Variants in MARCHF1 observed in about 807,000 individuals in gnomAD.
MARCHF1 encodes the protein E3 ubiquitin-protein ligase MARCHF1.
A neutral mutation model predicts 54.2 loss-of-function variants in MARCHF1; 40 were observed. That is an observed-to-expected ratio of 0.74 (90% CI 0.57 to 0.96). MARCHF1 has a LOEUF of 0.96. Among genes scored for constraint, MARCHF1 ranks in the 40% least tolerant of loss-of-function variants. The pLI, the probability that MARCHF1 is intolerant of heterozygous loss-of-function variation, is 0.00. For synonymous variants in MARCHF1, 236 were observed against 236.3 expected (o/e 1.00, Z 0.01); for missense variants, 586 against 656.5 (o/e 0.89, Z 1.17).
intron 4 of MARCHF1, among the ~76,000 whole-genome samples, chr4:163,739,370 T>A (rs1476526393): frequency 6.6e-6 from 1 of 152,182 alleles, no homozygotes. Flanking sequence ...AACAAGTTAT[T>A]ATTCACAAAT....
intron 1 of MARCHF1, among the ~76,000 whole-genome samples, chr4:164,352,733 A>C (rs1486343875): frequency 3.5e-5 from 5 of 144,892 alleles, no homozygotes; most frequent in Non-Finnish European, 6.1e-5. Flanking sequence ...CTAACATCAT[A>C]ATGACAGGAT....
At chr4:164,347,152 T>C (rs1032173594) in intron 1 of MARCHF1, among the ~76,000 whole-genome samples, 1 of 151,888 alleles carries the variant, frequency 6.6e-6, no homozygotes, top group Non-Finnish European at 1.5e-5. Context: ...ATAAAGAACA[T>C]GTGAAAAAAA....
At chr4:163,788,156 A>G (rs1041931647) in intron 4 of MARCHF1, among the ~76,000 whole-genome samples, 1 of 151,868 alleles carries the variant, frequency 6.6e-6, no homozygotes, top group Non-Finnish European at 1.5e-5. Context: ...AACAAAGTAG[A>G]TATACTTAAT....
intron 1 of MARCHF1, among the ~76,000 whole-genome samples, chr4:164,138,648 C>A (rs1023538721): frequency 4.6e-5 from 7 of 152,156 alleles, no homozygotes; most frequent in Admixed American, 3.9e-4. Flanking sequence ...CCAGCAGAAG[C>A]AAGTGTCAGT....
intron 1 of MARCHF1, among the ~76,000 whole-genome samples, chr4:164,248,562 C>T (rs576242446): frequency 1.4e-4 from 22 of 151,960 alleles, no homozygotes; most frequent in Non-Finnish European, 2.2e-4. Flanking sequence ...GCTTCTGAAA[C>T]GCAACCTAAA....
At chr4:164,021,627 T>C (rs907513395) in intron 2 of MARCHF1, among the ~76,000 whole-genome samples, 17 of 152,254 alleles carry the variant, frequency 1.1e-4, no homozygotes, top group Middle Eastern at 3.4e-3. Context: ...TCATTTTACA[T>C]TTATATTTGA....
intron 2 of MARCHF1, among the ~76,000 whole-genome samples, chr4:164,033,234 A>G (rs9998704): frequency 0.98 from 148,941 of 152,020 alleles, 73,029 homozygotes; most frequent in East Asian, 1. Context: ...GCAGACAACT[A>G]AAATTGGACC....
chr4:164,135,317 T>A (rs966923165), intron 1 of MARCHF1: 2 of 152,224 alleles, frequency 1.3e-5, no homozygotes, highest in African/African-American at 4.8e-5. Flanking sequence ...GTGAAGGATC[T>A]GCTTAAATTT....
intron 4 of MARCHF1, among the ~76,000 whole-genome samples, chr4:163,784,572 A>C (rs1057188033): frequency 6.6e-6 from 1 of 152,122 alleles, no homozygotes; most frequent in African/African-American, 2.4e-5. Flanking sequence ...TCAGAGACTA[A>C]AAATTTAGCA....
intron 1 of MARCHF1, among the ~76,000 whole-genome samples, chr4:164,357,851 A>G (rs1239681603): frequency 6.6e-6 from 1 of 152,206 alleles, no homozygotes; most frequent in Non-Finnish European, 1.5e-5. Flanking sequence ...ATAGATTTTT[A>G]AGAAATAATT....
chr4:163,563,772 G>C (rs796260677), intron 8 of MARCHF1, among the ~76,000 whole-genome samples: 4 of 152,272 alleles, frequency 2.6e-5, no homozygotes, highest in African/African-American at 9.6e-5. Flanking sequence ...ACAATGCTTG[G>C]CACTATTAAG....
intron 4 of MARCHF1, among the ~76,000 whole-genome samples, chr4:163,751,542 C>CA (rs1483058093): frequency 6.6e-6 from 1 of 151,096 alleles, no homozygotes; most frequent in African/African-American, 2.4e-5. Context: ...TTTATGCATA[C>CA]AAAATCAAAA....
chr4:163,565,239 G>A (rs892091005), intron 8 of MARCHF1, among the ~76,000 whole-genome samples: 2 of 152,180 alleles, frequency 1.3e-5, no homozygotes, highest in African/African-American at 4.8e-5. Context: ...TAACTTTAAT[G>A]CTTTAATATA....
chr4:163,634,123 T>C (rs1464659232), intron 5 of MARCHF1, among the ~76,000 whole-genome samples: 1 of 152,158 alleles, frequency 6.6e-6, no homozygotes, highest in East Asian at 1.9e-4. Flanking sequence ...GAACAACCGG[T>C]ACCAGCTGCT....
chr4:163,809,305 AT>A (rs1748318581), intron 4 of MARCHF1, among the ~76,000 whole-genome samples: 1 of 152,164 alleles, frequency 6.6e-6, no homozygotes, highest in African/African-American at 2.4e-5. Flanking sequence ...ACCAGAATTT[AT>A]TTTACAAACC....
At chr4:163,644,213 AT>A (rs1449153224) in intron 5 of MARCHF1, among the ~76,000 whole-genome samples, 2 of 152,120 alleles carry the variant, frequency 1.3e-5, no homozygotes, top group Admixed American at 6.6e-5. Flanking sequence ...TCCACCACTC[AT>A]TTTCCCTCAT....
At chr4:164,173,367 CA>C (rs1367352723) in intron 1 of MARCHF1, among the ~76,000 whole-genome samples, 1 of 152,076 alleles carries the variant, frequency 6.6e-6, no homozygotes, top group African/African-American at 2.4e-5. Context: ...ACTTTCAAAC[CA>C]AAGATGAGTG....
At chr4:164,343,873 G>A (rs1192736288) in intron 1 of MARCHF1, among the ~76,000 whole-genome samples, 1 of 151,844 alleles carries the variant, frequency 6.6e-6, no homozygotes, top group African/African-American at 2.4e-5. Context: ...CTCATTATTG[G>A]GTATATACTC....
intron 2 of MARCHF1, among the ~76,000 whole-genome samples, chr4:164,015,475 AG>A (rs1753518574): frequency 6.6e-6 from 1 of 152,190 alleles, no homozygotes; most frequent in Non-Finnish European, 1.5e-5. Flanking sequence ...AAGCTAAAAA[AG>A]CTTCTGCACA....
Sources: gnomAD v4.1 joint callset for allele counts (sites outside exome capture counted in the v4.1 genomes callset) on GRCh38, gnomAD v4.1.1 for gene constraint, MANE v1.5 for transcripts, NCBI Gene and HGNC (gene_info 2026-07-23, HGNC 2026-07-21) for gene names.